Variants in FAM163A observed in about 807,000 individuals in gnomAD.
FAM163A encodes protein FAM163A.
FAM163A carries 7 observed loss-of-function variants against 12.0 expected under a neutral mutation model. The ratio of observed to expected loss-of-function variants is 0.58; its 90% CI spans 0.33 to 1.10. FAM163A has a LOEUF of 1.10. Among genes scored for constraint, FAM163A ranks in the 50% least tolerant of loss-of-function variants. The pLI, the probability that FAM163A is intolerant of heterozygous loss-of-function variation, is 0.03. For missense variants in FAM163A, 202 were observed against 218.6 expected, an observed-to-expected ratio of 0.92 and a Z score of 0.48; for synonymous variants, 101 against 91.0, an observed-to-expected ratio of 1.11 and a Z score of -0.62.
chr1:179,786,352 G>A (rs192641043), intron 1 of FAM163A, among the ~76,000 whole-genome samples: 88 of 152,308 alleles, frequency 5.8e-4, no homozygotes, highest in African/African-American at 2.0e-3. Flanking sequence ...TTCAGAGCCA[G>A]GCATAAGTTG....
chr1:179,796,031 T>G (rs1571525469), intron 1 of FAM163A, among the ~76,000 whole-genome samples: 1 of 149,408 alleles, frequency 6.7e-6, no homozygotes, highest in African/African-American at 2.5e-5. Flanking sequence ...TTCCTTTCTA[T>G]TCATCATCTT....
chr1:179,791,095 T>A (rs961166795), intron 1 of FAM163A, among the ~76,000 whole-genome samples: 2 of 152,188 alleles, frequency 1.3e-5, no homozygotes, highest in African/African-American at 2.4e-5. Flanking sequence ...CCTAGGTGTC[T>A]TTGTCCCAGA....
At chr1:179,787,528 A>C (rs1024564355) in intron 1 of FAM163A, among the ~76,000 whole-genome samples, 1 of 152,218 alleles carries the variant, frequency 6.6e-6, no homozygotes, top group Non-Finnish European at 1.5e-5. Context: ...TAGAAGATCT[A>C]CAGCACCTGC....
At chr1:179,759,019 A>T (rs1686429200) in intron 1 of FAM163A, among the ~76,000 whole-genome samples, 1 of 152,220 alleles carries the variant, frequency 6.6e-6, no homozygotes, top group South Asian at 2.1e-4. Flanking sequence ...TGTGTCTCAG[A>T]TGTTGGGCCA....
intron 1 of FAM163A, among the ~76,000 whole-genome samples, chr1:179,802,106 T>G (rs1407635881): frequency 6.6e-6 from 1 of 152,258 alleles, no homozygotes; most frequent in Non-Finnish European, 1.5e-5. Flanking sequence ...AACTATATTC[T>G]TCAGATCATA....
chr1:179,743,594 G>A (rs1359641148), intron 1 of FAM163A, among the ~76,000 whole-genome samples, 171 bp downstream of exon 1: 5 of 152,156 alleles, frequency 3.3e-5, no homozygotes, highest in Admixed American at 3.3e-4. Context: ...GCCTCCCTCT[G>A]CCCACCGCGC....
intron 1 of FAM163A, among the ~76,000 whole-genome samples, chr1:179,779,326 C>G (rs78762297): frequency 0.069 from 10,487 of 152,180 alleles, 569 homozygotes; most frequent in East Asian, 0.23. Flanking sequence ...TAGACCAGGG[C>G]TCAGGGGGAT....
At chr1:179,798,276 T>C (rs1329614927) in intron 1 of FAM163A, among the ~76,000 whole-genome samples, 1 of 152,168 alleles carries the variant, frequency 6.6e-6, no homozygotes, top group Non-Finnish European at 1.5e-5. Context: ...ATTCCAGCTC[T>C]CTAAGTGAGG....
At chr1:179,733,334 CTG>C in the FAM163A span, among the ~76,000 whole-genome samples, 1 of 152,154 alleles carries the variant, frequency 6.6e-6, no homozygotes, top group Admixed American at 6.5e-5. Flanking sequence ...ACCATATTAT[CTG>C]TTTTTGCAGT....
At chr1:179,771,240 C>T (rs1004458657) in intron 1 of FAM163A, among the ~76,000 whole-genome samples, 76 of 152,118 alleles carry the variant, frequency 5.0e-4, no homozygotes, top group African/African-American at 1.7e-3. Flanking sequence ...GACAGAGTGC[C>T]GGCTCCCCCT....
At chr1:179,740,419 A>G (rs1191944639), upstream of FAM163A, among the ~76,000 whole-genome samples, 1 of 152,076 alleles carries the variant, frequency 6.6e-6, no homozygotes, top group Non-Finnish European at 1.5e-5. Flanking sequence ...GGCTCAAGCA[A>G]TCCTCCCACC....
intron 1 of FAM163A, among the ~76,000 whole-genome samples, chr1:179,758,018 G>A (rs76431581): frequency 0.022 from 3,417 of 152,274 alleles, 112 homozygotes; most frequent in African/African-American, 0.078. Flanking sequence ...GATGTTTTTG[G>A]AGCTGTTAAG....
chr1:179,733,087 C>A, the FAM163A span, among the ~76,000 whole-genome samples: 8 of 151,846 alleles, frequency 5.3e-5, 1 homozygote, highest in Admixed American at 4.6e-4. Flanking sequence ...GCGGCAGGGA[C>A]CAGGACAACT....
chr1:179,755,975 A>G (rs1016438123), intron 1 of FAM163A, among the ~76,000 whole-genome samples: 10 of 152,142 alleles, frequency 6.6e-5, no homozygotes, highest in Admixed American at 2.0e-4. Flanking sequence ...AGCACCCTTT[A>G]CCCCAGGTGC....
chr1:179,764,737 G>T (rs1687259472), intron 1 of FAM163A, among the ~76,000 whole-genome samples: 1 of 152,158 alleles, frequency 6.6e-6, no homozygotes, highest in South Asian at 2.1e-4. Context: ...AAGAGCATGG[G>T]CTCTGGGCAC....
chr1:179,803,620 G>A (rs1315290924), intron 1 of FAM163A, among the ~76,000 whole-genome samples: 1 of 151,962 alleles, frequency 6.6e-6, no homozygotes, highest in African/African-American at 2.4e-5. Flanking sequence ...CCAGGCTGGA[G>A]TGCAATGGCG....
chr1:179,740,980 T>C (rs1265403128), upstream of FAM163A, among the ~76,000 whole-genome samples: 1 of 151,422 alleles, frequency 6.6e-6, no homozygotes, highest in African/African-American at 2.4e-5. Flanking sequence ...AGTTCTAATT[T>C]AAAAAGCGAC....
rs1196869449 is a variant in FAM163A, at chr1:179,769,900, CTTTTTTTTTTTT to C, written c.-136+26491_-136+26502del. ...TTCATTTACTCTTTCATCCCTAATT[CTTTTTTTTTTTT>C]TTTTTTTTTTTTTGAGACAGTCTTG... On this transcript the variant is annotated intron_variant, in intron 1 of 4. Transcript: ENST00000341785. Among the ~76,000 whole-genome samples, 8 of 97,136 alleles carry C rather than the reference CTTTTTTTTTTTT, an allele frequency of 8.2e-5. No individual in the cohort carries two copies. In the East Asian group the frequency reaches 1.9e-3, roughly 23 times the overall value. 63.7% of individuals were successfully genotyped at this position (97,136 alleles called of 152,430 possible). A position where few individuals can be genotyped will look rare whatever the true frequency, so the allele number is the denominator to read the frequency against.
intron 1 of FAM163A, among the ~76,000 whole-genome samples, chr1:179,766,779 T>A (rs761599000): frequency 2.6e-5 from 4 of 151,740 alleles, no homozygotes; most frequent in African/African-American, 9.7e-5. Context: ...TTTGGAGACG[T>A]AGTTTTACTC....
Sources: gnomAD v4.1 joint callset for allele counts (sites outside exome capture counted in the v4.1 genomes callset) on GRCh38, gnomAD v4.1.1 for gene constraint, MANE v1.5 for transcripts, NCBI Gene and HGNC (gene_info 2026-07-23, HGNC 2026-07-21) for gene names.